The following KIAA1217 variants were observed in gnomAD, a reference collection of about 807,000 sequenced individuals.
The protein encoded by KIAA1217 is KIAA1217.
Under a neutral mutation model 163.9 loss-of-function variants are expected in KIAA1217, and 88 were observed. The observed-to-expected ratio is 0.54, with a 90% CI of 0.45 to 0.64. The LOEUF is 0.64. Among genes scored for constraint, KIAA1217 ranks in the 30% least tolerant of loss-of-function variants. The pLI, the probability that KIAA1217 is intolerant of heterozygous loss-of-function variation, is 0.00. For missense variants in KIAA1217, 2,372 were observed against 2,475.0 expected (o/e 0.96, Z 0.88); for synonymous variants, 903 against 923.1 (o/e 0.98, Z 0.39).
At chr10:24,290,364 A>G (rs369526427) in intron 2 of KIAA1217, among the ~76,000 whole-genome samples, 8 of 152,120 alleles carry the variant, frequency 5.3e-5, no homozygotes, top group African/African-American at 7.2e-5. Flanking sequence ...TTTAATCACA[A>G]TTTCTCTCAG....
intron 2 of KIAA1217, among the ~76,000 whole-genome samples, chr10:24,107,402 T>A (rs1480575986): frequency 6.6e-6 from 1 of 152,232 alleles, no homozygotes; most frequent in African/African-American, 2.4e-5. Context: ...ATGTGCCCAG[T>A]AATGGGGTTG....
intron 1 of KIAA1217, among the ~76,000 whole-genome samples, chr10:23,766,427 T>C (rs1216807263): frequency 4.6e-5 from 7 of 152,246 alleles, no homozygotes; most frequent in Non-Finnish European, 1.0e-4. Context: ...TCAGTCCTAA[T>C]GTTAACTGAA....
At chr10:23,878,613 A>G (rs1840812450) in intron 1 of KIAA1217, among the ~76,000 whole-genome samples, 2 of 151,976 alleles carry the variant, frequency 1.3e-5, no homozygotes, top group African/African-American at 4.8e-5. Context: ...GCCAGGCATG[A>G]GGATAAGACA....
chr10:24,308,672 A>T (rs2042277566), intron 2 of KIAA1217, among the ~76,000 whole-genome samples: 1 of 152,202 alleles, frequency 6.6e-6, no homozygotes, highest in Admixed American at 6.5e-5. Flanking sequence ...ACTCTTCTTT[A>T]ATCTCCCTTG....
intron 1 of KIAA1217, among the ~76,000 whole-genome samples, chr10:23,754,011 C>G (rs1833786600): frequency 6.6e-6 from 1 of 152,290 alleles, no homozygotes. Flanking sequence ...GTCCCCTCCT[C>G]CCTGTTCTCA....
At chr10:24,515,998 G>A (rs574707171) in intron 10 of KIAA1217, among the ~76,000 whole-genome samples, 40 of 152,368 alleles carry the variant, frequency 2.6e-4, no homozygotes, top group Admixed American at 9.1e-4. Context: ...TTGAGCCCAG[G>A]AGTTCAAAGC....
chr10:24,352,923 G>C (rs1484331121), intron 2 of KIAA1217, among the ~76,000 whole-genome samples: 1 of 152,092 alleles, frequency 6.6e-6, no homozygotes, highest in Non-Finnish European at 1.5e-5. Context: ...ATGGAGGGTG[G>C]GTGGGGGTGG....
chr10:24,405,490 C>T (rs765479850), intron 3 of KIAA1217, among the ~76,000 whole-genome samples: 1 of 151,994 alleles, frequency 6.6e-6, no homozygotes, highest in African/African-American at 2.4e-5. Flanking sequence ...CTGGCAGAAA[C>T]AATAAAAGAC....
intron 1 of KIAA1217, among the ~76,000 whole-genome samples, chr10:23,963,290 G>A (rs1045026352): frequency 1.1e-4 from 17 of 151,958 alleles, no homozygotes; most frequent in East Asian, 5.8e-4. Context: ...GAGAGGCCCC[G>A]GTGTGTGATG....
rs957178374 is a variant in KIAA1217 at position 23,992,365 on chromosome 10, G to A, written c.-320-14860G>A. ...TCTAGCAAAGATATCAGTGTTTCAC[G>A]TGATGGATCCAGAAGGAGATGCAAT... On this transcript the variant is annotated intron_variant, in intron 1 of 18. Coordinates refer to the KIAA1217 transcript ENST00000376462. 6.8e-4 allele frequency among the ~76,000 whole-genome samples: 104 copies of A among 152,134 alleles called. 2 individuals carry two copies. Among genetic ancestry groups the A allele is most frequent in the South Asian group, 4.1e-4 (2 of 4,830 alleles).
chr10:23,863,190 A>C (rs2131140090), intron 1 of KIAA1217, among the ~76,000 whole-genome samples: 1 of 152,300 alleles, frequency 6.6e-6, no homozygotes, highest in South Asian at 2.1e-4. Context: ...CTTCAAAGGG[A>C]CATTTTGAGA....
intron 1 of KIAA1217, among the ~76,000 whole-genome samples, chr10:23,887,853 T>C (rs1268312355): frequency 6.6e-6 from 1 of 151,950 alleles, no homozygotes; most frequent in Non-Finnish European, 1.5e-5. Context: ...GTTTTACCAA[T>C]GACTGAGAAT....
chr10:24,521,007 C>T (rs1434224434), intron 11 of KIAA1217, among the ~76,000 whole-genome samples: 2 of 131,244 alleles, frequency 1.5e-5, no homozygotes, highest in Non-Finnish European at 3.2e-5. Context: ...GCCTAGGAAA[C>T]ATAACAAAAC....
intron 4 of KIAA1217, among the ~76,000 whole-genome samples, chr10:24,434,947 C>T (rs576902226): frequency 6.6e-6 from 1 of 152,154 alleles, no homozygotes; most frequent in Admixed American, 6.5e-5. Context: ...TTGATTTCTT[C>T]GAATGTTCCC....
chr10:24,115,921 A>T (rs2063034217), intron 2 of KIAA1217, among the ~76,000 whole-genome samples: 1 of 152,186 alleles, frequency 6.6e-6, no homozygotes, highest in South Asian at 2.1e-4. Flanking sequence ...TGATGGTCTC[A>T]GTCCGACCAG....
chr10:24,384,595 G>A (rs895508384), intron 3 of KIAA1217, among the ~76,000 whole-genome samples: 5 of 152,192 alleles, frequency 3.3e-5, no homozygotes, highest in African/African-American at 1.2e-4. Flanking sequence ...GGAGTGCAGT[G>A]GAACGATCTC....
intron 1 of KIAA1217, among the ~76,000 whole-genome samples, chr10:23,765,196 T>G (rs1454183822): frequency 7.6e-6 from 1 of 131,528 alleles, no homozygotes; most frequent in African/African-American, 2.9e-5. Flanking sequence ...TCTTTTTTTT[T>G]TTTTTTTTTT....
chr10:24,003,172 A>C (rs1301178927), intron 1 of KIAA1217, among the ~76,000 whole-genome samples: 1 of 152,098 alleles, frequency 6.6e-6, no homozygotes, highest in African/African-American at 2.4e-5. Flanking sequence ...GTAGATACCT[A>C]GTAGTAGGAT....
intron 6 of KIAA1217, among the ~76,000 whole-genome samples, chr10:24,489,426 G>T (rs1191632285): frequency 1.3e-5 from 2 of 151,894 alleles, no homozygotes; most frequent in Non-Finnish European, 2.9e-5. Flanking sequence ...TAGGGGAATC[G>T]CCAGCTTCAT....
Sources: gnomAD v4.1 joint callset for allele counts (sites outside exome capture counted in the v4.1 genomes callset) on GRCh38, gnomAD v4.1.1 for gene constraint, MANE v1.5 for transcripts, NCBI Gene and HGNC (gene_info 2026-07-23, HGNC 2026-07-21) for gene names.